NRG3: variants seen among roughly 807,000 people sequenced by gnomAD.
The protein encoded by NRG3 is neuregulin 3, also known as pro-neuregulin-3, membrane-bound isoform.
A neutral mutation model predicts 66.9 loss-of-function variants in NRG3; 31 were observed. The observed-to-expected ratio is 0.46, with a 90% CI of 0.35 to 0.63. The LOEUF (loss-of-function observed/expected upper bound fraction) is 0.63. NRG3 is among the 20% of genes least tolerant of loss of function. The probability of loss-of-function intolerance (pLI) is 0.00; values close to 1 mark genes in which losing one functional copy is unlikely to be tolerated. For missense variants in NRG3, 910 were observed against 878.9 expected (o/e 1.04, Z -0.45); for synonymous variants, 393 against 359.4 (o/e 1.09, Z -1.06).
intron 2 of NRG3, among the ~76,000 whole-genome samples, chr10:82,445,369 C>T (rs887815102): frequency 2.0e-5 from 3 of 152,136 alleles, no homozygotes; most frequent in East Asian, 1.9e-4. Context: ...ATCTATTTAA[C>T]GGATCTGTTT....
Position 82,303,336 on chromosome 10 carries a change from A to AAC in NRG3, c.824-55382_824-55381dup, listed in dbSNP as rs144860357. 1.6e-3 allele frequency among the ~76,000 whole-genome samples: 246 copies of AAC among 149,332 alleles called. 2 individuals carry two copies. Among genetic ancestry groups the AAC allele is most frequent in the South Asian group, 0.013 (63 of 4,722 alleles). Reference sequence around the variant, plus strand: ...ATTTACATACTACTGTGCGTGTATAAACACACACACACACACACACACGGA... The same window carrying AAC: ...ATTTACATACTACTGTGCGTGTATAAACACACACACACACACACACACACGGA... On this transcript the variant is annotated intron_variant, in intron 1 of 8. Transcript: ENST00000372141.
chr10:82,452,555 G>C (rs1344644214), intron 2 of NRG3, among the ~76,000 whole-genome samples: 1 of 152,062 alleles, frequency 6.6e-6, no homozygotes, highest in Non-Finnish European at 1.5e-5. Context: ...CTTCATCTCA[G>C]ATAGAGAAAT....
At chr10:82,380,340 A>G (rs2085533242) in intron 2 of NRG3, among the ~76,000 whole-genome samples, 1 of 152,160 alleles carries the variant, frequency 6.6e-6, no homozygotes, top group Admixed American at 6.5e-5. Flanking sequence ...GAACTTATTC[A>G]CAAAAAAGGT....
At chr10:82,761,297 C>G (rs1245727890) in intron 3 of NRG3, among the ~76,000 whole-genome samples, 2 of 151,934 alleles carry the variant, frequency 1.3e-5, no homozygotes, top group Admixed American at 1.3e-4. Flanking sequence ...TAATTATAAC[C>G]TCACTATAAT....
At chr10:82,949,341 G>C (rs1045912719) in intron 4 of NRG3, among the ~76,000 whole-genome samples, 2 of 151,456 alleles carry the variant, frequency 1.3e-5, no homozygotes, top group Middle Eastern at 3.4e-3. Context: ...GTAATTTTTG[G>C]TTAGGTCTTC....
At chr10:82,143,957 G>C (rs2070025048) in intron 1 of NRG3, among the ~76,000 whole-genome samples, 1 of 151,484 alleles carries the variant, frequency 6.6e-6, no homozygotes, top group Non-Finnish European at 1.5e-5. Context: ...TGGAGCCTGG[G>C]AGGTCAAGGC....
intron 1 of NRG3, among the ~76,000 whole-genome samples, chr10:82,048,556 A>G (rs1164224033): frequency 1.3e-5 from 2 of 150,334 alleles, no homozygotes; most frequent in Non-Finnish European, 3.0e-5. Context: ...ACCAACGAGA[A>G]CGAAGACACA....
At chr10:82,901,239 A>G (rs757682763) in intron 4 of NRG3, among the ~76,000 whole-genome samples, 3 of 152,080 alleles carry the variant, frequency 2.0e-5, no homozygotes, top group Non-Finnish European at 4.4e-5. Context: ...TTCATTCTTT[A>G]TCTTTCAACC....
At chr10:82,568,044 G>A (rs933335513) in intron 2 of NRG3, among the ~76,000 whole-genome samples, 1 of 151,806 alleles carries the variant, frequency 6.6e-6, no homozygotes, top group Admixed American at 6.6e-5. Flanking sequence ...TGAGAGATAA[G>A]AGTATCTTAT....
intron 5 of NRG3, 65 bp downstream of exon 5, chr10:82,951,636 G>A (rs1849522390): frequency 1.4e-5 from 19 of 1,380,428 alleles, no homozygotes; most frequent in East Asian, 2.3e-5. Context: ...GTTACTTTAA[G>A]TTCTCAGTCT....
intron 1 of NRG3, among the ~76,000 whole-genome samples, chr10:81,927,922 T>C (rs1365289186): frequency 6.6e-6 from 1 of 152,182 alleles, no homozygotes; most frequent in Non-Finnish European, 1.5e-5. Flanking sequence ...AACAGATTCC[T>C]TGTAGCAATA....
chr10:82,502,427 T>C (rs1420217499), intron 2 of NRG3, among the ~76,000 whole-genome samples: 1 of 152,214 alleles, frequency 6.6e-6, no homozygotes, highest in Non-Finnish European at 1.5e-5. Flanking sequence ...AAGGCTTTAT[T>C]GCAGGGGCAA....
chr10:82,604,727 A>G (rs963574878), intron 2 of NRG3, among the ~76,000 whole-genome samples: 1 of 152,210 alleles, frequency 6.6e-6, no homozygotes, highest in African/African-American at 2.4e-5. Flanking sequence ...ACAAAAGAGC[A>G]AACACAATTC....
intron 1 of NRG3, among the ~76,000 whole-genome samples, chr10:81,886,309 T>G (rs2132518239): frequency 6.6e-6 from 1 of 152,306 alleles, no homozygotes; most frequent in East Asian, 1.9e-4. Context: ...CAAACCTGTT[T>G]ATGCTGATTG....
intron 2 of NRG3, among the ~76,000 whole-genome samples, chr10:82,439,132 G>C (rs1049930263): frequency 1.3e-5 from 2 of 152,034 alleles, no homozygotes; most frequent in African/African-American, 4.8e-5. Flanking sequence ...AGTCAAGAAA[G>C]AGTGTTTCTC....
At chr10:82,079,219 A>G (rs1048372728) in intron 1 of NRG3, among the ~76,000 whole-genome samples, 12 of 151,532 alleles carry the variant, frequency 7.9e-5, no homozygotes, top group Non-Finnish European at 1.8e-4. Flanking sequence ...TAATTTTTCT[A>G]TTTTTAGTAG....
chr10:81,965,540 G>A (rs1166942499), intron 1 of NRG3, among the ~76,000 whole-genome samples: 1 of 152,138 alleles, frequency 6.6e-6, no homozygotes, highest in African/African-American at 2.4e-5. Context: ...ATATTTTTAT[G>A]ATACTGAGTT....
In NRG3 at chr10:82,147,172, A is replaced by G. The variant is rs111792781; in HGVS notation, c.824-211567A>G. 5.2e-3 allele frequency among the ~76,000 whole-genome samples: 792 copies of G among 152,306 alleles called. 10 individuals carry two copies. The highest frequency in any genetic ancestry group is 0.018 in the African/African-American group (751 of 41,568). The stretch of plus-strand genomic sequence containing the variant: ...AGTCACTTACAAATCACTAACATCT[A>G]TTAGATACTGACCATTCTCTCATTT... On this transcript the variant is annotated intron_variant, in intron 1 of 8. Transcript: ENST00000372141.
chr10:82,971,165 C>T (rs1042301093), intron 6 of NRG3, among the ~76,000 whole-genome samples: 6 of 152,122 alleles, frequency 3.9e-5, no homozygotes, highest in African/African-American at 1.4e-4. Context: ...AGGGAGGATA[C>T]AAACCATTCA....
Sources: gnomAD v4.1 joint callset for allele counts (sites outside exome capture counted in the v4.1 genomes callset) on GRCh38, gnomAD v4.1.1 for gene constraint, MANE v1.5 for transcripts, NCBI Gene and HGNC (gene_info 2026-07-23, HGNC 2026-07-21) for gene names.